Variants in CPVL observed in about 807,000 individuals in gnomAD.
CPVL encodes the protein probable serine carboxypeptidase CPVL.
CPVL carries 51 observed loss-of-function variants against 63.7 expected under a neutral mutation model. The ratio of observed to expected loss-of-function variants is 0.80; its 90% CI spans 0.64 to 1.01. The LOEUF is 1.01. Ranked by LOEUF, CPVL falls within the 50% of genes least tolerant of loss-of-function variation. The pLI, the probability that CPVL is intolerant of heterozygous loss-of-function variation, is 0.00. For synonymous variants in CPVL, 195 were observed against 206.0 expected, an observed-to-expected ratio of 0.95 and a Z score of 0.46; for missense variants, 530 against 573.1, an observed-to-expected ratio of 0.92 and a Z score of 0.77.
chr7:29,121,871 G>T (rs1028626731), intron 1 of CPVL, among the ~76,000 whole-genome samples: 1 of 152,064 alleles, frequency 6.6e-6, no homozygotes, highest in Non-Finnish European at 1.5e-5. Flanking sequence ...AGAAAGAAAG[G>T]GGGGAGGGTC....
At chr7:29,170,701 A>G (rs1796483747) in intron 5 of CPVL, among the ~76,000 whole-genome samples, 2 of 152,206 alleles carry the variant, frequency 1.3e-5, no homozygotes, top group African/African-American at 4.8e-5. Flanking sequence ...CTGTTTTCAC[A>G]CTGCTGATAA....
intron 9 of CPVL, among the ~76,000 whole-genome samples, chr7:29,069,704 T>C (rs1201405570): frequency 6.6e-6 from 1 of 152,006 alleles, no homozygotes; most frequent in African/African-American, 2.4e-5. Flanking sequence ...CCACAATCTA[T>C]TTGTGTATCC....
intron 2 of CPVL, 65 bp from the exon 3 acceptor site, chr7:29,112,887 T>G: frequency 9.4e-7 from 1 of 1,066,278 alleles, no homozygotes; most frequent in Non-Finnish European, 1.5e-6. Flanking sequence ...ATGTGAGCCA[T>G]CTATCTCAGT....
At chr7:29,125,452 G>T (rs577008661) in intron 1 of CPVL, among the ~76,000 whole-genome samples, 1 of 141,992 alleles carries the variant, frequency 7.0e-6, no homozygotes, top group Admixed American at 7.5e-5. Context: ...GAGTGCAGTG[G>T]TGCGATCTCA....
At chr7:29,150,357 C>CA (rs983666597), upstream of CPVL, among the ~76,000 whole-genome samples, 3 of 152,122 alleles carry the variant, frequency 2.0e-5, no homozygotes, top group African/African-American at 4.8e-5. Context: ...TATAAAGGCT[C>CA]AAAAAATGGC....
intron 7 of CPVL, among the ~76,000 whole-genome samples, chr7:29,078,354 G>A (rs1401511640): frequency 6.6e-6 from 1 of 152,216 alleles, no homozygotes; most frequent in Non-Finnish European, 1.5e-5. Flanking sequence ...ACAGGCATAG[G>A]TGAACAAGAT....
intron 12 of CPVL, among the ~76,000 whole-genome samples, chr7:29,000,748 A>G (rs1287094036): frequency 2.0e-5 from 3 of 152,292 alleles, no homozygotes; most frequent in South Asian, 2.1e-4. Flanking sequence ...TTTAAAGCGT[A>G]TGATTCGGTA....
chr7:29,077,230 T>C (rs1784325516), intron 7 of CPVL, among the ~76,000 whole-genome samples: 1 of 152,122 alleles, frequency 6.6e-6, no homozygotes, highest in African/African-American at 2.4e-5. Context: ...CTTACAGAAA[T>C]TTCACATATG....
At chr7:29,028,795 C>T (rs925288006) in intron 12 of CPVL, among the ~76,000 whole-genome samples, 2 of 152,002 alleles carry the variant, frequency 1.3e-5, no homozygotes, top group Non-Finnish European at 2.9e-5. Context: ...GAAACCCCAT[C>T]TCTACTAAAA....
chr7:29,140,178 A>G (rs915813877), intron 1 of CPVL, among the ~76,000 whole-genome samples: 43 of 152,266 alleles, frequency 2.8e-4, no homozygotes, highest in African/African-American at 9.9e-4. Flanking sequence ...AGTGGCTCAC[A>G]CTTGTAATCC....
intron 3 of CPVL, among the ~76,000 whole-genome samples, chr7:29,103,180 TGGGG>T (rs10568146): frequency 0.2 from 11,493 of 56,436 alleles, 1,360 homozygotes; most frequent in Middle Eastern, 0.33. Flanking sequence ...GTTAATATAC[TGGGG>T]GGGGGGGGGG....
intron 11 of CPVL, among the ~76,000 whole-genome samples, chr7:29,061,300 C>A (rs1791253048): frequency 6.6e-6 from 1 of 152,088 alleles, no homozygotes; most frequent in African/African-American, 2.4e-5. Flanking sequence ...GTAATCTCAG[C>A]TACTCAGGAG....
chr7:29,069,581 T>C (rs551601831), intron 9 of CPVL, among the ~76,000 whole-genome samples: 7 of 152,292 alleles, frequency 4.6e-5, no homozygotes, highest in Admixed American at 2.0e-4. Context: ...ATCAGTCATT[T>C]CACATCTTGC....
intron 11 of CPVL, among the ~76,000 whole-genome samples, chr7:29,037,086 AG>A (rs1401561411): frequency 6.6e-6 from 1 of 152,194 alleles, no homozygotes; most frequent in Non-Finnish European, 1.5e-5. Context: ...TCCACAAGCA[AG>A]TGGCAAACCT....
intron 3 of CPVL, among the ~76,000 whole-genome samples, chr7:29,184,803 G>A (rs1462258743): frequency 6.6e-6 from 1 of 152,158 alleles, no homozygotes; most frequent in African/African-American, 2.4e-5. Context: ...TCAAGTTGAC[G>A]CATAAAATTA....
upstream of CPVL, among the ~76,000 whole-genome samples, chr7:29,150,485 C>T (rs1200269045): frequency 6.6e-6 from 1 of 152,192 alleles, no homozygotes; most frequent in African/African-American, 2.4e-5. Context: ...CAAAAACATG[C>T]TTCTCACTGA....
intron 1 of CPVL, among the ~76,000 whole-genome samples, chr7:29,140,056 G>A (rs997021898): frequency 6.6e-5 from 10 of 152,218 alleles, no homozygotes; most frequent in African/African-American, 2.4e-4. Flanking sequence ...TGACTTAGGA[G>A]CATATGAGCT....
At chr7:29,091,329 A>G (rs1439782056) in intron 6 of CPVL, among the ~76,000 whole-genome samples, 1 of 152,016 alleles carries the variant, frequency 6.6e-6, no homozygotes, top group African/African-American at 2.4e-5. Flanking sequence ...GCATCTCTTC[A>G]ATACAGAACC....
At chr7:29,080,674 T>C (rs1784623948) in intron 7 of CPVL, among the ~76,000 whole-genome samples, 1 of 152,060 alleles carries the variant, frequency 6.6e-6, no homozygotes, top group Non-Finnish European at 1.5e-5. Flanking sequence ...TTAAGCACCG[T>C]GCTTAGTATT....
Sources: allele counts gnomAD v4.1 joint callset (sites outside exome capture counted in the v4.1 genomes callset), GRCh38; gene constraint gnomAD v4.1.1; transcripts MANE v1.5; gene names NCBI Gene and HGNC (gene_info 2026-07-23, HGNC 2026-07-21).